The following CDH13 variants were observed in gnomAD, a reference collection of about 807,000 sequenced individuals.
CDH13 encodes the protein cadherin 13, also known as cadherin-13.
In CDH13, 24 loss-of-function variants were observed where a neutral mutation model predicts 63.8. The observed-to-expected ratio is 0.38, with a 90% CI of 0.27 to 0.53. The LOEUF is 0.53. Among genes scored for constraint, CDH13 ranks in the 20% least tolerant of loss-of-function variants. The pLI, the probability that CDH13 is intolerant of heterozygous loss-of-function variation, is 0.85. For synonymous variants in CDH13, 503 were observed against 355.3 expected, an observed-to-expected ratio of 1.42 and a Z score of -4.67; for missense variants, 1,049 against 903.1, an observed-to-expected ratio of 1.16 and a Z score of -2.07.
chr16:83,325,714 A>G (rs2090345141), intron 5 of CDH13, among the ~76,000 whole-genome samples: 1 of 152,116 alleles, frequency 6.6e-6, no homozygotes, highest in Admixed American at 6.5e-5. Flanking sequence ...CCAGAATCCC[A>G]TATTTCCTTC....
chr16:83,465,721 C>A (rs936699072), intron 6 of CDH13, among the ~76,000 whole-genome samples: 1 of 152,188 alleles, frequency 6.6e-6, no homozygotes, highest in Non-Finnish European at 1.5e-5. Context: ...GTGAGGCTTT[C>A]TGTGGGGTAG....
At chr16:82,661,962 C>G (rs1367838838) in intron 1 of CDH13, among the ~76,000 whole-genome samples, 1 of 152,204 alleles carries the variant, frequency 6.6e-6, no homozygotes, top group Non-Finnish European at 1.5e-5. Flanking sequence ...ATTGAAAATT[C>G]AGTGTCTTGA....
intron 11 of CDH13, among the ~76,000 whole-genome samples, chr16:83,755,422 T>C (rs1913426137): frequency 6.6e-6 from 1 of 152,082 alleles, no homozygotes; most frequent in Non-Finnish European, 1.5e-5. Context: ...CCAAAACTGA[T>C]GAAAGACATT....
chr16:83,395,688 G>T (rs572860590), intron 6 of CDH13, among the ~76,000 whole-genome samples: 1 of 152,298 alleles, frequency 6.6e-6, no homozygotes, highest in African/African-American at 2.4e-5. Context: ...CCAGCCGGTG[G>T]TCACCACAGG....
chr16:83,795,270 A>C lies in CDH13; in HGVS notation c.*240A>C. The C allele has an allele frequency of 3.8e-6, 2 of 521,452 alleles. No homozygotes were observed. The highest frequency in any genetic ancestry group is 6.9e-6 in the Non-Finnish European group (2 of 291,482). 32.3% of individuals were successfully genotyped at this position (521,452 alleles called of 1,614,324 possible). A position where few individuals can be genotyped will look rare whatever the true frequency, so the allele number is the denominator to read the frequency against. ...AATTTTCCCTGAATGTTTAAAGATC[A>C]TGACATATGACTTGATCTTCTGGGA... is the stretch of plus-strand genomic sequence containing the variant. On this transcript the variant is annotated 3_prime_UTR_variant, in exon 14 of 14. Transcript: ENST00000567109.
intron 6 of CDH13, among the ~76,000 whole-genome samples, chr16:83,437,839 A>G (rs1178065640): frequency 6.6e-6 from 1 of 152,156 alleles, no homozygotes; most frequent in Admixed American, 6.5e-5. Flanking sequence ...ATTAATGTGG[A>G]ATTCAACTTA....
chr16:83,023,307 GA>G (rs1305086865), intron 2 of CDH13, among the ~76,000 whole-genome samples: 1 of 151,602 alleles, frequency 6.6e-6, no homozygotes, highest in Non-Finnish European at 1.5e-5. Context: ...ACTACCCCCC[GA>G]CTCCACCCCG....
intron 1 of CDH13, among the ~76,000 whole-genome samples, chr16:82,815,593 A>G (rs2037665623): frequency 6.6e-6 from 1 of 152,196 alleles, no homozygotes; most frequent in Admixed American, 6.5e-5. Context: ...TCCCATGGGA[A>G]TAGTGATGAC....
chr16:83,272,259 G>A (rs577021314), intron 5 of CDH13, among the ~76,000 whole-genome samples: 3 of 152,178 alleles, frequency 2.0e-5, no homozygotes, highest in African/African-American at 7.2e-5. Flanking sequence ...CAGTGTCAGG[G>A]AATGATAAGA....
At chr16:83,087,875 G>A (rs1025890909) in intron 3 of CDH13, among the ~76,000 whole-genome samples, 3 of 152,028 alleles carry the variant, frequency 2.0e-5, no homozygotes, top group Non-Finnish European at 4.4e-5. Flanking sequence ...CTAGCAAGAT[G>A]GTTTCATAGG....
chr16:83,149,840 T>A (rs1318052468), intron 4 of CDH13, among the ~76,000 whole-genome samples: 1 of 152,218 alleles, frequency 6.6e-6, no homozygotes, highest in East Asian at 1.9e-4. Context: ...AAGTCCACCA[T>A]GATGGTAATA....
At chr16:83,285,808 G>T (rs773431754) in intron 5 of CDH13, among the ~76,000 whole-genome samples, 26 of 152,124 alleles carry the variant, frequency 1.7e-4, no homozygotes, top group Non-Finnish European at 3.2e-4. Context: ...TTTGTTGGCA[G>T]TTTTATTAAT....
At chr16:83,140,303 A>G (rs1440040601) in intron 4 of CDH13, among the ~76,000 whole-genome samples, 2 of 152,124 alleles carry the variant, frequency 1.3e-5, no homozygotes, top group South Asian at 2.1e-4. Flanking sequence ...CCACTTGCCA[A>G]TGTCTCAGAA....
intron 7 of CDH13, among the ~76,000 whole-genome samples, chr16:83,566,584 C>T (rs935339707): frequency 6.6e-6 from 1 of 152,148 alleles, no homozygotes; most frequent in Non-Finnish European, 1.5e-5. Flanking sequence ...GTTCCCTGGA[C>T]CCGCCCAAGC....
At chr16:83,206,736 G>A (rs1403872016) in intron 4 of CDH13, among the ~76,000 whole-genome samples, 2 of 151,494 alleles carry the variant, frequency 1.3e-5, no homozygotes, top group East Asian at 3.9e-4. Context: ...GTGTTGTGTG[G>A]GTGAGCTAGA....
intron 1 of CDH13, among the ~76,000 whole-genome samples, chr16:82,668,284 G>A (rs953111888): frequency 1.3e-5 from 2 of 152,174 alleles, no homozygotes; most frequent in African/African-American, 2.4e-5. Flanking sequence ...AGGCTGGGAA[G>A]GCAGAGTTGG....
chr16:83,384,832 T>C (rs2091641040), intron 6 of CDH13, among the ~76,000 whole-genome samples: 1 of 152,260 alleles, frequency 6.6e-6, no homozygotes, highest in Non-Finnish European at 1.5e-5. Flanking sequence ...ACCTGTCCTT[T>C]CCAAAGTCAT....
At chr16:83,317,000 G>T (rs1347566323) in intron 5 of CDH13, among the ~76,000 whole-genome samples, 2 of 152,140 alleles carry the variant, frequency 1.3e-5, no homozygotes, top group Non-Finnish European at 2.9e-5. Flanking sequence ...TCCTAACCTG[G>T]GCTTTGATGG....
At chr16:83,196,017 A>G (rs969971477) in intron 4 of CDH13, among the ~76,000 whole-genome samples, 2 of 152,184 alleles carry the variant, frequency 1.3e-5, no homozygotes, top group Non-Finnish European at 2.9e-5. Flanking sequence ...GCACTTTGGG[A>G]GGCCGAGGCA....
Sources: gnomAD v4.1 joint callset for allele counts (sites outside exome capture counted in the v4.1 genomes callset) on GRCh38, gnomAD v4.1.1 for gene constraint, MANE v1.5 for transcripts, NCBI Gene and HGNC (gene_info 2026-07-23, HGNC 2026-07-21) for gene names.